RERE: variants seen among roughly 807,000 people sequenced by gnomAD.
RERE encodes the protein arginine-glutamic acid dipeptide repeats.
RERE carries 40 observed loss-of-function variants against 146.1 expected under a neutral mutation model. The ratio of observed to expected loss-of-function variants is 0.27; its 90% CI spans 0.21 to 0.36. RERE has a LOEUF of 0.36. RERE is among the 10% of genes least tolerant of loss of function. RERE has a pLI of 1.00. For synonymous variants in RERE, 1,003 were observed against 866.0 expected (o/e 1.16, Z -2.78); for missense variants, 1,933 against 2,138.7 (o/e 0.90, Z 1.90).
At chr1:8,367,841 A>C (rs1334523063) in intron 12 of RERE, among the ~76,000 whole-genome samples, 1 of 152,166 alleles carries the variant, frequency 6.6e-6, no homozygotes, top group Non-Finnish European at 1.5e-5. Flanking sequence ...TGCTTTCCAG[A>C]CTTGGAAATG....
At chr1:8,577,276 GTGTT>G (rs1475085759) in intron 4 of RERE, among the ~76,000 whole-genome samples, 5 of 151,954 alleles carry the variant, frequency 3.3e-5, no homozygotes, top group South Asian at 2.1e-4. Flanking sequence ...AACTCACAGG[GTGTT>G]TGTTTATGTC....
intron 1 of RERE, among the ~76,000 whole-genome samples, chr1:8,736,647 A>G (rs1048653151): frequency 1.3e-5 from 2 of 152,190 alleles, no homozygotes; most frequent in Non-Finnish European, 2.9e-5. Flanking sequence ...CCCTTGGCTT[A>G]TATCATAGAA....
intron 11 of RERE, among the ~76,000 whole-genome samples, chr1:8,444,249 T>G (rs1166182376): frequency 2.0e-5 from 3 of 152,248 alleles, no homozygotes; most frequent in Admixed American, 1.3e-4. Flanking sequence ...TTTGGAGCTT[T>G]AAGATTTAAT....
intron 1 of RERE, among the ~76,000 whole-genome samples, chr1:8,717,123 T>C (rs1391336824): frequency 6.6e-6 from 1 of 152,184 alleles, no homozygotes; most frequent in African/African-American, 2.4e-5. Context: ...AAAGTACAAA[T>C]AGATCATCCA....
At chr1:8,532,601 A>G (rs544360826) in intron 7 of RERE, among the ~76,000 whole-genome samples, 17 of 148,896 alleles carry the variant, frequency 1.1e-4, no homozygotes, top group African/African-American at 4.2e-4. Flanking sequence ...TATTATTTTT[A>G]ATTTTTTTTT....
intron 12 of RERE, among the ~76,000 whole-genome samples, chr1:8,383,495 T>G (rs1220970760): frequency 1.3e-5 from 2 of 151,992 alleles, no homozygotes; most frequent in Non-Finnish European, 2.9e-5. Flanking sequence ...ACTTAGAACA[T>G]CCCATTATTT....
At chr1:8,771,952 T>C (rs1008151151) in intron 1 of RERE, among the ~76,000 whole-genome samples, 12 of 143,348 alleles carry the variant, frequency 8.4e-5, no homozygotes, top group African/African-American at 3.1e-4. Context: ...AAAGATAAAA[T>C]AGGTTTTTAG....
chr1:8,699,151 T>C (rs1639395299), intron 1 of RERE, among the ~76,000 whole-genome samples: 1 of 152,228 alleles, frequency 6.6e-6, no homozygotes, highest in African/African-American at 2.4e-5. Flanking sequence ...ACATAATTAG[T>C]GCTCACTATG....
intron 11 of RERE, among the ~76,000 whole-genome samples, chr1:8,447,962 G>A (rs954474392): frequency 1.3e-5 from 2 of 152,176 alleles, no homozygotes; most frequent in Admixed American, 6.5e-5. Context: ...CCACTGCTGC[G>A]GCTCTGAACA....
chr1:8,811,097 G>A (rs144229257), intron 1 of RERE, among the ~76,000 whole-genome samples: 4 of 152,236 alleles, frequency 2.6e-5, no homozygotes, highest in African/African-American at 7.2e-5. Context: ...AGTGGCTCAC[G>A]CCTAGAATCC....
chr1:8,408,405 T>C (rs1643514421), intron 12 of RERE, among the ~76,000 whole-genome samples: 1 of 152,082 alleles, frequency 6.6e-6, no homozygotes, highest in Non-Finnish European at 1.5e-5. Context: ...ACAAAAGCAT[T>C]ATCAAGGCCC....
chr1:8,556,606 G>T (rs1206294700), intron 5 of RERE, 35 bp from the exon 6 acceptor site: 1 of 1,326,002 alleles, frequency 7.5e-7, no homozygotes, highest in African/African-American at 1.5e-5. Context: ...CATTAAAACT[G>T]AGTTTCCCAA....
chr1:8,684,647 T>C lies in RERE; in HGVS notation c.-144-28206A>G, dbSNP rs531361621. Among the ~76,000 whole-genome samples the C allele has an allele frequency of 8.5e-5, 13 of 152,318 alleles. 1 individual carries two copies. The South Asian group carries it at 2.7e-3, about 32-fold the overall frequency. On this transcript the variant is annotated intron_variant, in intron 1 of 22. Coordinates refer to ENST00000400908, the MANE Select transcript of RERE (RefSeq NM_001042681.2). Reference sequence around the variant, plus strand: ...TAGTAAGTATAGCTCCTACAAAGGATAATCAAACCCAAGCACAATCTGATG... The same window carrying C: ...TAGTAAGTATAGCTCCTACAAAGGACAATCAAACCCAAGCACAATCTGATG...
chr1:8,454,352 T>C (rs771736494), intron 11 of RERE, among the ~76,000 whole-genome samples: 6 of 152,084 alleles, frequency 3.9e-5, no homozygotes, highest in Non-Finnish European at 7.3e-5. Flanking sequence ...TTTAGATAAA[T>C]CATGTGGCCA....
intron 1 of RERE, among the ~76,000 whole-genome samples, chr1:8,683,167 C>T (rs191758848): frequency 6.7e-6 from 1 of 150,162 alleles, no homozygotes; most frequent in East Asian, 2.0e-4. Flanking sequence ...GAATTAATAA[C>T]ATCAAAAATG....
chr1:8,646,172 T>C (rs1005021126), intron 2 of RERE, among the ~76,000 whole-genome samples: 5 of 151,778 alleles, frequency 3.3e-5, no homozygotes, highest in African/African-American at 9.7e-5. Context: ...CAGGATGAGT[T>C]TGTCCTTCCC....
chr1:8,480,420 GAGCC>G (rs1009681016), intron 10 of RERE, among the ~76,000 whole-genome samples: 1 of 146,920 alleles, frequency 6.8e-6, no homozygotes, highest in African/African-American at 2.5e-5. Context: ...TTACAGACCT[GAGCC>G]ACCAGGCCCG....
rs3050828 is a variant in RERE at position 8,545,982 on chromosome 1, C to CTTTTTTTTTTTTTTTTTT, written c.726-4682_726-4665dup. ...ACAGGTGCAAGCTACCATACCCAGT[C>CTTTTTTTTTTTTTTTTTT]TTTTTTTTTTTTTTTTTTTTTTTTT... On this transcript the variant is annotated intron_variant, in intron 6 of 22. Coordinates refer to ENST00000400908, the MANE Select transcript of RERE (RefSeq NM_001042681.2). Among the ~76,000 whole-genome samples, 27 of 69,478 alleles carry CTTTTTTTTTTTTTTTTTT rather than the reference C, an allele frequency of 3.9e-4. 2 individuals are homozygous for CTTTTTTTTTTTTTTTTTT. Among genetic ancestry groups the CTTTTTTTTTTTTTTTTTT allele is most frequent in the African/African-American group, 1.6e-3 (27 of 16,698 alleles). The allele number at this position is 69,478 out of a possible 152,430, so 45.6% of individuals were successfully genotyped here. A position where few individuals can be genotyped will look rare whatever the true frequency, so the allele number is the denominator to read the frequency against.
chr1:8,513,949 T>C lies in RERE; in HGVS notation c.831-5274A>G, dbSNP rs938876091. 3.3e-5 allele frequency among the ~76,000 whole-genome samples: 5 copies of C among 152,352 alleles called. No homozygotes were observed. In the East Asian group the frequency reaches 5.8e-4, roughly 18 times the overall value. Reference sequence around the variant, plus strand: ...GATCTTCTACTCAGATGTGATTTTGTAATGTCATGCATTGGTTTTATAGAG... The same window carrying C: ...GATCTTCTACTCAGATGTGATTTTGCAATGTCATGCATTGGTTTTATAGAG... On this transcript the variant is annotated intron_variant, in intron 7 of 22. Transcript: ENST00000400908.
Sources: gnomAD v4.1 joint callset for allele counts (sites outside exome capture counted in the v4.1 genomes callset) on GRCh38, gnomAD v4.1.1 for gene constraint, MANE v1.5 for transcripts, NCBI Gene and HGNC (gene_info 2026-07-23, HGNC 2026-07-21) for gene names.